Variants in LY75 observed in about 807,000 individuals in gnomAD.
The protein encoded by LY75 is lymphocyte antigen 75.
Under a neutral mutation model 231.7 loss-of-function variants are expected in LY75, and 185 were observed. The observed-to-expected ratio is 0.80, with a 90% CI of 0.71 to 0.90. The LOEUF (loss-of-function observed/expected upper bound fraction) is 0.90, where lower values mean the gene tolerates loss of function less well. LY75 is among the 40% of genes least tolerant of loss of function. The probability of loss-of-function intolerance (pLI) is 0.00; values close to 1 mark genes in which losing one functional copy is unlikely to be tolerated. For missense variants in LY75, 1,947 were observed against 2,050.2 expected (o/e 0.95, Z 0.97); for synonymous variants, 668 against 689.0 (o/e 0.97, Z 0.48).
chr2:159,881,326 T>TA (rs1685430543), intron 7 of LY75, 86 bp from the exon 8 acceptor site: 1 of 1,428,106 alleles, frequency 7.0e-7, no homozygotes, highest in Non-Finnish European at 9.3e-7. Flanking sequence ...TATATTCTGA[T>TA]ATGGAGTTTT....
intron 3 of LY75, 128 bp from the exon 4 acceptor site, chr2:159,890,505 C>T: frequency 8.0e-7 from 1 of 1,256,152 alleles, no homozygotes; most frequent in Non-Finnish European, 1.1e-6. Flanking sequence ...ACTGCCATCA[C>T]TCATTTAGAC....
At chr2:159,884,094 C>T (rs781713468) in intron 6 of LY75, among the ~76,000 whole-genome samples, 3 of 152,130 alleles carry the variant, frequency 2.0e-5, no homozygotes, top group South Asian at 2.1e-4. Flanking sequence ...TGAGATCTGG[C>T]GGTTTTATAA....
chr2:159,870,345 G>A (rs1027527543), intron 13 of LY75, among the ~76,000 whole-genome samples: 2 of 152,094 alleles, frequency 1.3e-5, no homozygotes, highest in Non-Finnish European at 2.9e-5. Context: ...CAGCTACTTG[G>A]GAGGCTGAAG....
intron 9 of LY75, 67 bp from the exon 10 acceptor site, chr2:159,878,788 G>A: frequency 6.5e-7 from 1 of 1,541,634 alleles, no homozygotes; most frequent in Non-Finnish European, 8.9e-7. Flanking sequence ...TGGCAAGCAT[G>A]TTTCTGCTAC....
intron 6 of LY75, among the ~76,000 whole-genome samples, chr2:159,883,276 T>C (rs1574590522): frequency 6.8e-6 from 1 of 147,142 alleles, no homozygotes; most frequent in African/African-American, 2.6e-5. Flanking sequence ...AAACTTAAAG[T>C]ATAATTAAAA....
At chr2:159,832,510 C>T (rs1574539463) in intron 27 of LY75, among the ~76,000 whole-genome samples, 1 of 152,254 alleles carries the variant, frequency 6.6e-6, no homozygotes, top group Non-Finnish European at 1.5e-5. Flanking sequence ...GACAGATCTT[C>T]CTTTTCCTTA....
Position 159,815,298 on chromosome 2 carries a change from GC to G in LY75, c.4549+106del, listed in dbSNP as rs1286291142. ...TTACAGGCGCGAGCCACTGCGCCCG[GC>G]CCTTGTGAATAAATCTTTAAATAAA... On this transcript the variant is annotated intron_variant, in intron 31 of 34. Coordinates refer to ENST00000263636, the MANE Select transcript of LY75 (RefSeq NM_002349.4). 6 of 1,395,848 alleles carry G rather than the reference GC, an allele frequency of 4.3e-6. No homozygotes were observed. In the East Asian group the frequency reaches 1.3e-4, roughly 30 times the overall value. 86.5% of individuals were successfully genotyped at this position (1,395,848 alleles called of 1,614,324 possible). A position where few individuals can be genotyped will look rare whatever the true frequency, so the allele number is the denominator to read the frequency against.
chr2:159,864,579 A>G (rs1684803402), intron 14 of LY75, among the ~76,000 whole-genome samples: 4 of 151,994 alleles, frequency 2.6e-5, no homozygotes, highest in Admixed American at 2.0e-4. Context: ...TGGCCTCTCT[A>G]TTCTGTTCCG....
intron 28 of LY75, among the ~76,000 whole-genome samples, chr2:159,823,847 C>A (rs990142248): frequency 6.6e-6 from 1 of 152,276 alleles, no homozygotes; most frequent in Admixed American, 6.5e-5. Context: ...TCCAGCCAAA[C>A]TAAGCTTCAT....
intron 14 of LY75, among the ~76,000 whole-genome samples, chr2:159,864,111 G>A (rs1684790724): frequency 6.6e-6 from 1 of 152,154 alleles, no homozygotes; most frequent in East Asian, 1.9e-4. Flanking sequence ...CCATTGTTAA[G>A]TGATGTACGA....
chr2:159,891,081 C>T (rs1685741089), intron 3 of LY75, among the ~76,000 whole-genome samples: 1 of 152,128 alleles, frequency 6.6e-6, no homozygotes, highest in Admixed American at 6.5e-5. Flanking sequence ...TTCAGAGCCT[C>T]CTGTGTACTC....
chr2:159,890,298 A>G lies in LY75; in HGVS notation c.717T>C (p.Ser239=), dbSNP rs147989973. The change falls in exon 4 of 35, where the codon TCT becomes TCC. Residue 239 remains serine (S), a synonymous_variant. Coordinates refer to ENST00000263636, the MANE Select transcript of LY75 (RefSeq NM_002349.4). The part of the protein sequence containing the change: ...CYQFNTQTAL[S]WKEAYVSCQN... ...GACATGAAACATAAGCTTCTTTCCA[A>G]GAAAGAGCCGTCTGAGTATTAAATT... is the stretch of plus-strand genomic sequence containing the variant. 6 of 1,613,556 alleles carry G rather than the reference A, an allele frequency of 3.7e-6. No homozygotes were observed. The highest frequency in any genetic ancestry group is 3.4e-6 in the Non-Finnish European group (4 of 1,179,692).
intron 16 of LY75, among the ~76,000 whole-genome samples, chr2:159,856,021 A>C (rs1684540945): frequency 6.6e-6 from 1 of 152,212 alleles, no homozygotes; most frequent in Non-Finnish European, 1.5e-5. Context: ...AAGTCAGTTC[A>C]AAATGTACAT....
At chr2:159,856,146 G>GT (rs1422278936) in intron 16 of LY75, among the ~76,000 whole-genome samples, 2 of 152,126 alleles carry the variant, frequency 1.3e-5, no homozygotes, top group South Asian at 4.1e-4. Context: ...GATGCAAGGT[G>GT]TTTTTTATAC....
At chr2:159,809,723 G>T (rs889974671) in intron 32 of LY75, among the ~76,000 whole-genome samples, 1 of 151,406 alleles carries the variant, frequency 6.6e-6, no homozygotes, top group African/African-American at 2.4e-5. Context: ...TGTCGCCCAG[G>T]CTGGAGCGCA....
chr2:159,809,143 T>G (rs1261089059), intron 32 of LY75, among the ~76,000 whole-genome samples: 1 of 152,208 alleles, frequency 6.6e-6, no homozygotes, highest in Non-Finnish European at 1.5e-5. Flanking sequence ...TTTCAATCAG[T>G]CAAGTGTCTC....
At chr2:159,877,028 A>AAAAAAG (rs1553810531) in intron 11 of LY75, among the ~76,000 whole-genome samples, 2,838 of 114,878 alleles carry the variant, frequency 0.025, 10 homozygotes, top group Non-Finnish European at 0.04. Flanking sequence ...AAAAAAAAAA[A>AAAAAAG]AAAAAAGAAA....
At chr2:159,844,806 TA>T (rs1419151611) in intron 23 of LY75, among the ~76,000 whole-genome samples, 4 of 106,040 alleles carry the variant, frequency 3.8e-5, no homozygotes, top group African/African-American at 1.4e-4. Context: ...TTTTTTTTTT[TA>T]AATTTCAGCT....
At chr2:159,880,683 C>A (rs1050404408) in intron 8 of LY75, among the ~76,000 whole-genome samples, 11 of 152,296 alleles carry the variant, frequency 7.2e-5, no homozygotes, top group African/African-American at 2.6e-4. Flanking sequence ...TTATTTGTTG[C>A]CAACCTTTGA....
Sources: gnomAD v4.1 joint callset for allele counts (sites outside exome capture counted in the v4.1 genomes callset) on GRCh38, gnomAD v4.1.1 for gene constraint, MANE v1.5 for transcripts, NCBI Gene and HGNC (gene_info 2026-07-23, HGNC 2026-07-21) for gene names.